The following VPS54 variants were observed in gnomAD, a reference collection of about 807,000 sequenced individuals.
VPS54 encodes the protein VPS54 subunit of GARP complex.
A neutral mutation model predicts 121.5 loss-of-function variants in VPS54; 45 were observed. The ratio of observed to expected loss-of-function variants is 0.37; its 90% CI spans 0.29 to 0.47. VPS54 has a LOEUF of 0.47. VPS54 is among the 20% of genes least tolerant of loss of function. The pLI is 0.99. For missense variants in VPS54, 1,090 were observed against 1,131.4 expected (o/e 0.96, Z 0.52); for synonymous variants, 371 against 385.8 (o/e 0.96, Z 0.45).
intron 1 of VPS54, among the ~76,000 whole-genome samples, chr2:63,989,389 G>A (rs769909171): frequency 6.6e-6 from 1 of 152,084 alleles, no homozygotes; most frequent in African/African-American, 2.4e-5. Context: ...GGCTCAGGGG[G>A]CATCATGGAA....
At chr2:63,996,064 C>T (rs1269136727) in intron 1 of VPS54, among the ~76,000 whole-genome samples, 1 of 152,098 alleles carries the variant, frequency 6.6e-6, no homozygotes, top group Non-Finnish European at 1.5e-5. Flanking sequence ...GTCAAAGAAT[C>T]CTGCGTCAAA....
intron 11 of VPS54, among the ~76,000 whole-genome samples, chr2:63,934,461 T>C (rs1052195991): frequency 9.9e-5 from 15 of 152,112 alleles, no homozygotes; most frequent in Non-Finnish European, 1.9e-4. Flanking sequence ...CTCCAGACAT[T>C]CTAGTTCTCT....
At chr2:63,995,454 C>T (rs751571906) in intron 1 of VPS54, among the ~76,000 whole-genome samples, 18 of 152,302 alleles carry the variant, frequency 1.2e-4, no homozygotes, top group South Asian at 4.1e-4. Flanking sequence ...AGTGTTACAG[C>T]GAATTCTTTA....
intron 1 of VPS54, among the ~76,000 whole-genome samples, chr2:64,003,675 G>A (rs1316753231): frequency 6.6e-6 from 1 of 151,860 alleles, no homozygotes; most frequent in African/African-American, 2.4e-5. Context: ...TAACAGAATG[G>A]GTCTGGGCTA....
intron 1 of VPS54, among the ~76,000 whole-genome samples, chr2:63,988,969 T>C (rs953150379): frequency 6.6e-6 from 1 of 152,126 alleles, no homozygotes; most frequent in African/African-American, 2.4e-5. Context: ...ATATTAATAA[T>C]TAACAGCCCT....
chr2:63,949,636 A>C (rs1675146012), intron 7 of VPS54, among the ~76,000 whole-genome samples: 1 of 151,350 alleles, frequency 6.6e-6, no homozygotes, highest in Non-Finnish European at 1.5e-5. Context: ...AGATCATCAT[A>C]AAAGTTATCT....
chr2:63,943,595 T>C (rs1674835949), intron 10 of VPS54, among the ~76,000 whole-genome samples: 2 of 152,226 alleles, frequency 1.3e-5, no homozygotes, highest in African/African-American at 2.4e-5. Flanking sequence ...GTCGTACATA[T>C]TGCTAGTCAT....
rs1558970840 is a variant in VPS54, at chr2:63,892,388, A to AAGGT, written c.*1038_*1041dup. On this transcript the variant is annotated 3_prime_UTR_variant, in exon 23 of 23. Coordinates refer to ENST00000272322, the MANE Select transcript of VPS54 (RefSeq NM_016516.3). ...TACAGTGCTGCTGATTCTAATTTTG[A>AAGGT]AGGTAGGTATTATAAAAGTCTTTAC... The AAGGT allele has an allele frequency of 6.6e-6, 1 of 152,154 alleles. No individual in the cohort carries two copies. The highest frequency in any genetic ancestry group is 6.5e-5 in the Admixed American group (1 of 15,278). The allele number at this position is 152,154 out of a possible 1,614,324, so 9.4% of individuals were successfully genotyped here. A position where few individuals can be genotyped will look rare whatever the true frequency, so the allele number is the denominator to read the frequency against.
At chr2:63,894,223 G>T (rs907793098) in intron 22 of VPS54, among the ~76,000 whole-genome samples, 3 of 152,168 alleles carry the variant, frequency 2.0e-5, no homozygotes, top group Non-Finnish European at 4.4e-5. Context: ...GTGGGAGTTG[G>T]TACAGCCACT....
At chr2:64,002,828 G>A (rs1011325616) in intron 1 of VPS54, among the ~76,000 whole-genome samples, 4 of 152,108 alleles carry the variant, frequency 2.6e-5, no homozygotes, top group Admixed American at 1.3e-4. Context: ...TAAAACTAGT[G>A]GACTGCCTAT....
Position 63,993,933 on chromosome 2 carries a change from T to C in VPS54, c.-20-9914A>G, listed in dbSNP as rs1285869723. ...TTAAATTGCTGTAATTACTGCCTTATAGGATTTCCCCAAAACCTTTAAATA... is the reference window on the plus strand; with the variant it reads ...TTAAATTGCTGTAATTACTGCCTTACAGGATTTCCCCAAAACCTTTAAATA... On this transcript the variant is annotated intron_variant, in intron 1 of 22. Transcript: ENST00000272322. 1.3e-5 allele frequency among the ~76,000 whole-genome samples: 2 copies of C among 152,216 alleles called. 1 individual carries two copies. Among genetic ancestry groups the C allele is most frequent in the Admixed American group, 1.3e-4 (2 of 15,286 alleles).
chr2:63,892,532 A>G lies in VPS54; in HGVS notation c.*898T>C, dbSNP rs1258510264. The G allele has an allele frequency of 1.3e-5, 2 of 152,634 alleles. No individual in the cohort carries two copies. Among genetic ancestry groups the G allele is most frequent in the African/African-American group, 2.4e-5 (1 of 41,446 alleles). The allele number at this position is 152,634 out of a possible 1,614,324, so 9.5% of individuals were successfully genotyped here. ...TTAAAAACAAGGATCCAAGGGGGCC[A>G]TACTTCATATGTTATCTAAATGTTA... On this transcript the variant is annotated 3_prime_UTR_variant, in exon 23 of 23. Transcript: ENST00000272322.
At chr2:63,980,936 G>A (rs78113534) in intron 3 of VPS54, among the ~76,000 whole-genome samples, 1 of 151,666 alleles carries the variant, frequency 6.6e-6, no homozygotes, top group Admixed American at 6.6e-5. Flanking sequence ...TATTTGATAG[G>A]AATAAAAATG....
chr2:63,953,884 G>C (rs1223874086), intron 7 of VPS54, among the ~76,000 whole-genome samples: 1 of 152,108 alleles, frequency 6.6e-6, no homozygotes, highest in African/African-American at 2.4e-5. Flanking sequence ...GATTACTAAT[G>C]ACACTAACAT....
Position 63,990,663 on chromosome 2 carries a change from T to A in VPS54, c.-20-6644A>T, listed in dbSNP as rs557227003. ...CCCTTATCTACACATGCTTTTCCTA[T>A]CACTTCTATGCCAACTCTGTCTCAG... On this transcript the variant is annotated intron_variant, in intron 1 of 22. Coordinates refer to ENST00000272322, the MANE Select transcript of VPS54 (RefSeq NM_016516.3). 1.1e-4 allele frequency among the ~76,000 whole-genome samples: 16 copies of A among 152,288 alleles called. No homozygotes were observed. The South Asian group carries it at 3.3e-3, about 32-fold the overall frequency.
chr2:64,008,856 C>G (rs919787177), intron 1 of VPS54, among the ~76,000 whole-genome samples: 1 of 152,216 alleles, frequency 6.6e-6, no homozygotes, highest in South Asian at 2.1e-4. Flanking sequence ...ATACAGTGAA[C>G]ACTATACAGT....
chr2:63,920,519 A>C lies in VPS54; in HGVS notation c.1978T>G (p.Leu660Val), dbSNP rs1673591606. Residue 660 changes from leucine (L) to valine (V), a missense_variant, in exon 14 of 23, where the codon TTA (leucine) becomes GTA (valine). Around this residue, in one of 2 missense-constraint regions of VPS54, gnomAD observed 289 missense variants for 374.4 expected, o/e 0.77. Coordinates refer to ENST00000272322, the MANE Select transcript of VPS54 (RefSeq NM_016516.3). ...EQICGRKSTS[L>V]LGALQSQAIK... is the part of the protein sequence containing the mutation. Reference sequence around the variant, plus strand: ...GCTTGGCTCTGAAGTGCTCCAAGTAATGACGTGCTTTTTCTTCCACAGATC... The same window carrying C: ...GCTTGGCTCTGAAGTGCTCCAAGTACTGACGTGCTTTTTCTTCCACAGATC... 6.3e-7 allele frequency: 1 copy of C among 1,592,240 alleles called. No homozygotes were observed. The highest frequency in any genetic ancestry group is 1.8e-5 in the Admixed American group (1 of 56,970).
At chr2:63,924,021 A>G (rs893992304) in intron 12 of VPS54, among the ~76,000 whole-genome samples, 5 of 152,238 alleles carry the variant, frequency 3.3e-5, no homozygotes, top group Non-Finnish European at 4.4e-5. Context: ...TACTGAACAT[A>G]GAAAGAACCA....
chr2:63,957,754 G>A (rs993147909), intron 7 of VPS54, among the ~76,000 whole-genome samples: 2 of 152,214 alleles, frequency 1.3e-5, no homozygotes, highest in East Asian at 3.9e-4. Context: ...GTAGGAAGAT[G>A]CTACCACTTT....
Sources: gnomAD v4.1 joint callset for allele counts (sites outside exome capture counted in the v4.1 genomes callset) on GRCh38, gnomAD v4.1.1 for gene constraint, gnomAD v4.1.1 regional missense constraint, MANE v1.5 for transcripts, NCBI Gene and HGNC (gene_info 2026-07-23, HGNC 2026-07-21) for gene names.